Variants in WIPF1 observed in about 807,000 individuals in gnomAD.
WIPF1 encodes WAS/WASL interacting protein family member 1.
A neutral mutation model predicts 35.4 loss-of-function variants in WIPF1; 13 were observed. The ratio of observed to expected loss-of-function variants is 0.37; its 90% CI spans 0.24 to 0.58. The LOEUF (loss-of-function observed/expected upper bound fraction) is 0.58, where lower values mean the gene tolerates loss of function less well. Ranked by LOEUF, WIPF1 falls within the 20% of genes least tolerant of loss-of-function variation. The pLI, the probability that WIPF1 is intolerant of heterozygous loss-of-function variation, is 0.74. For missense variants in WIPF1, 591 were observed against 667.0 expected, an observed-to-expected ratio of 0.89 and a Z score of 1.25; for synonymous variants, 267 against 266.3, an observed-to-expected ratio of 1.00 and a Z score of -0.02.
upstream of WIPF1, among the ~76,000 whole-genome samples, chr2:174,600,161 G>T (rs1685956072): frequency 6.6e-6 from 1 of 152,132 alleles, no homozygotes; most frequent in Non-Finnish European, 1.5e-5. Flanking sequence ...TTCCTAAGGG[G>T]CCATAGACTG....
intron 1 of WIPF1, among the ~76,000 whole-genome samples, chr2:174,672,662 T>G (rs995184418): frequency 2.6e-5 from 4 of 152,234 alleles, no homozygotes; most frequent in Non-Finnish European, 4.4e-5. Flanking sequence ...GATTGCATTG[T>G]TAGGATGGAC....
At chr2:174,668,869 AGGAGG>A (rs1687948553) in intron 1 of WIPF1, among the ~76,000 whole-genome samples, 1 of 152,232 alleles carries the variant, frequency 6.6e-6, no homozygotes, top group Non-Finnish European at 1.5e-5. Flanking sequence ...CCAAAGAGGC[AGGAGG>A]GCCTCATAGT....
intron 1 of WIPF1, among the ~76,000 whole-genome samples, chr2:174,612,436 T>C (rs1266905946): frequency 6.6e-6 from 1 of 152,220 alleles, no homozygotes; most frequent in Non-Finnish European, 1.5e-5. Flanking sequence ...TATTTTTTAT[T>C]GTTAGACATT....
chr2:174,585,087 GGAGT>G (rs1259444720), intron 2 of WIPF1, among the ~76,000 whole-genome samples: 1 of 152,184 alleles, frequency 6.6e-6, no homozygotes, highest in African/African-American at 2.4e-5. Flanking sequence ...AAAAAAGAAA[GGAGT>G]GAGACCGGAA....
At chr2:174,638,821 T>C (rs1687238571) in intron 1 of WIPF1, among the ~76,000 whole-genome samples, 1 of 152,230 alleles carries the variant, frequency 6.6e-6, no homozygotes, top group African/African-American at 2.4e-5. Context: ...ATCTTGGCTA[T>C]TGTAAACAGT....
chr2:174,584,237 A>C (rs1685328953), intron 2 of WIPF1, among the ~76,000 whole-genome samples: 2 of 152,204 alleles, frequency 1.3e-5, no homozygotes, highest in Admixed American at 6.5e-5. Flanking sequence ...AAATTGCTAG[A>C]AATGCTTCTA....
intron 1 of WIPF1, among the ~76,000 whole-genome samples, chr2:174,680,960 T>C (rs1005871465): frequency 3.3e-5 from 5 of 152,194 alleles, no homozygotes; most frequent in African/African-American, 1.2e-4. Context: ...ATGATATGCC[T>C]AAGGGCACCA....
chr2:174,610,424 C>T (rs577758694), intron 1 of WIPF1, among the ~76,000 whole-genome samples: 2 of 152,226 alleles, frequency 1.3e-5, no homozygotes, highest in East Asian at 3.9e-4. Context: ...ATGTAAAAAG[C>T]AGCTCCATGA....
chr2:174,637,584 G>A (rs1156974173), intron 1 of WIPF1, among the ~76,000 whole-genome samples: 6 of 152,288 alleles, frequency 3.9e-5, no homozygotes, highest in Admixed American at 1.3e-4. Flanking sequence ...TCAGGAGATC[G>A]AGACCATGCT....
At chr2:174,612,086 G>A (rs938652779) in intron 1 of WIPF1, among the ~76,000 whole-genome samples, 3 of 152,134 alleles carry the variant, frequency 2.0e-5, no homozygotes, top group East Asian at 3.9e-4. Context: ...TTGTAGAGAC[G>A]TAGTCTTGCT....
At chr2:174,641,019 C>T (rs1396796435) in intron 1 of WIPF1, among the ~76,000 whole-genome samples, 1 of 152,078 alleles carries the variant, frequency 6.6e-6, no homozygotes, top group Non-Finnish European at 1.5e-5. Context: ...ACTATAGTGA[C>T]CAAAACTGCA....
intron 1 of WIPF1, among the ~76,000 whole-genome samples, chr2:174,643,098 G>A (rs187650886): frequency 6.7e-6 from 1 of 149,256 alleles, no homozygotes; most frequent in Non-Finnish European, 1.5e-5. Context: ...GAACCATCTT[G>A]TGTTAATTTT....
At chr2:174,668,778 T>A (rs1056853636) in intron 1 of WIPF1, among the ~76,000 whole-genome samples, 4 of 152,152 alleles carry the variant, frequency 2.6e-5, no homozygotes, top group Admixed American at 6.5e-5. Context: ...CAGAGGGACA[T>A]GAACAACACT....
intron 4 of WIPF1, among the ~76,000 whole-genome samples, chr2:174,573,865 T>C (rs1197097859): frequency 6.6e-6 from 1 of 151,726 alleles, no homozygotes; most frequent in Non-Finnish European, 1.5e-5. Flanking sequence ...TGGAGTATCA[T>C]GAACTTAAGA....
chr2:174,577,299 C>T (rs1036284471), intron 3 of WIPF1, among the ~76,000 whole-genome samples: 1 of 152,042 alleles, frequency 6.6e-6, no homozygotes, highest in African/African-American at 2.4e-5. Context: ...AGTTTAAAGC[C>T]TCCTCTTCTC....
chr2:174,599,299 G>A (rs1338976696), upstream of WIPF1, among the ~76,000 whole-genome samples: 2 of 152,154 alleles, frequency 1.3e-5, no homozygotes, highest in African/African-American at 4.8e-5. Context: ...AATACCAGAA[G>A]TGCTCCTACT....
chr2:174,621,320 G>T (rs773687862), intron 1 of WIPF1, among the ~76,000 whole-genome samples: 6 of 152,172 alleles, frequency 3.9e-5, no homozygotes, highest in South Asian at 4.1e-4. Flanking sequence ...GGAAGGCCAG[G>T]TTTTGGATGA....
At chr2:174,567,291 T>C in intron 6 of WIPF1, 108 bp from the exon 7 acceptor site, 2 of 1,015,526 alleles carry the variant, frequency 2.0e-6, no homozygotes, top group South Asian at 1.5e-5. Context: ...ACATCAGTGC[T>C]AGTTTTTATG....
chr2:174,629,373 G>C (rs150618107), intron 1 of WIPF1, among the ~76,000 whole-genome samples: 361 of 152,222 alleles, frequency 2.4e-3, no homozygotes, highest in African/African-American at 8.4e-3. Flanking sequence ...ACTTTCCTCT[G>C]TTTTGCAGGG....
Sources: gnomAD v4.1 joint callset for allele counts (sites outside exome capture counted in the v4.1 genomes callset) on GRCh38, gnomAD v4.1.1 for gene constraint, MANE v1.5 for transcripts, NCBI Gene and HGNC (gene_info 2026-07-23, HGNC 2026-07-21) for gene names.